The following CLUH variants were observed in gnomAD, a reference collection of about 807,000 sequenced individuals.
The protein encoded by CLUH is clustered mitochondria protein homolog.
A neutral mutation model predicts 139.3 loss-of-function variants in CLUH; 77 were observed. The ratio of observed to expected loss-of-function variants is 0.55; its 90% confidence interval spans 0.46 to 0.67. CLUH has a LOEUF of 0.67. Among genes scored for constraint, CLUH ranks in the 30% least tolerant of loss-of-function variants. CLUH has a pLI of 0.00. For missense variants in CLUH, 1,876 were observed against 1,875.8 expected, an observed-to-expected ratio of 1.00 and a Z score of 0.00; for synonymous variants, 999 against 801.6, an observed-to-expected ratio of 1.25 and a Z score of -4.16.
chr17:2,704,319 G>A lies in CLUH; in HGVS notation c.303+43C>T. The A allele has an allele frequency of 1.3e-6, 2 of 1,574,364 alleles. No individual in the cohort carries two copies. Among genetic ancestry groups the A allele is most frequent in the Non-Finnish European group, 1.7e-6 (2 of 1,156,874 alleles). Reference sequence around the variant, plus strand: ...TGAGCTTTCCAGCTCACCCTCCCCAGCAGGCTCAGGCCTGGCCCCCAGCAC... The same window carrying A: ...TGAGCTTTCCAGCTCACCCTCCCCAACAGGCTCAGGCCTGGCCCCCAGCAC... On this transcript the variant is annotated intron_variant, in intron 2 of 25. Coordinates refer to ENST00000651024, the MANE Select transcript of CLUH (RefSeq NM_001366661.1). This position sits in a 1 kb window ranked among gnomAD's most constrained non-coding sequence, Gnocchi z 5.7.
At chr17:2,697,718 G>A (rs1017413114) in intron 10 of CLUH, among the ~76,000 whole-genome samples, 178 bp downstream of exon 10, 1 of 152,200 alleles carries the variant, frequency 6.6e-6, no homozygotes, top group Non-Finnish European at 1.5e-5. Flanking sequence ...CCGGGTTTCT[G>A]CGCTCGGGAG....
intron 9 of CLUH, among the ~76,000 whole-genome samples, 166 bp downstream of exon 9, chr17:2,700,216 G>C (rs1019163251): frequency 6.6e-6 from 1 of 152,226 alleles, no homozygotes; most frequent in East Asian, 1.9e-4. Context: ...GGTCTGCTGG[G>C]AGGCGGAAGG....
chr17:2,691,772 G>A lies in CLUH; in HGVS notation c.3778C>T (p.Pro1260Ser). 3 of 1,594,706 alleles carry A rather than the reference G, an allele frequency of 1.9e-6. No homozygotes were observed. The highest frequency in any genetic ancestry group is 4.6e-5 in the East Asian group (2 of 43,924). Residue 1260 changes from proline to serine, a missense_variant, in exon 24 of 26, where the codon CCG becomes TCG. This residue lies in a region of CLUH where 1,454 missense variants were observed against 1,384.4 expected (regional missense o/e 1.05). Coordinates refer to ENST00000651024, the MANE Select transcript of CLUH (RefSeq NM_001366661.1). The part of the protein sequence containing the change: ...IYRNGSSANI[P>S]PLKFTAPSMA... ...CGCCCCGGACTCACCTTGAGGGGCG[G>A]GATGTTGGCGCTGGAGCCGTTGCGG...
chr17:2,701,518 G>A lies in CLUH; in HGVS notation c.747C>T (p.Pro249=), dbSNP rs2070179424. The change falls in exon 6 of 26, where the codon CCC becomes CCT. Residue 249 remains proline (P), a splice_region_variant and synonymous_variant. Coordinates refer to ENST00000651024, the MANE Select transcript of CLUH (RefSeq NM_001366661.1). ...TGGTGAGTACTTTCAGGCACTGCAA[G>A]GGCTTCGGGAGCGGCCGAGTCTGAG... ...PLQPQNRDWK[P]LQCLKVLTMS... is the part of the protein sequence containing the mutation. The A allele has an allele frequency of 1.9e-6, 3 of 1,613,796 alleles. No individual in the cohort carries two copies. The highest frequency in any genetic ancestry group is 2.5e-6 in the Non-Finnish European group (3 of 1,179,850).
In CLUH at chr17:2,690,769, T is replaced by A; in HGVS notation, c.3872A>T (p.Asp1291Val). Residue 1291 changes from aspartate to valine, a missense_variant, in exon 26 of 26, where the codon GAC (aspartate) becomes GTC (valine). Around this residue, in one of 3 missense-constraint regions of CLUH, gnomAD observed 1,454 missense variants for 1,384.4 expected, o/e 1.05. Transcript: ENST00000651024. The stretch of plus-strand genomic sequence containing the variant: ...CACCTCGGCTTTCAGATTCTCCAGG[T>A]CTTTTTGGCTGAGGATAAGGGTGGG... ...GILFIPLSQK[D>V]LENLKAEVAR... The A allele has an allele frequency of 6.6e-7, 1 of 1,512,000 alleles. No individual in the cohort carries two copies. Among genetic ancestry groups the A allele is most frequent in the Non-Finnish European group, 8.8e-7 (1 of 1,140,290 alleles). The allele number at this position is 1,512,000 out of a possible 1,614,324, so 93.7% of individuals were successfully genotyped here. A position where few individuals can be genotyped will look rare whatever the true frequency, so the allele number is the denominator to read the frequency against.
Position 2,697,911 on chromosome 17 carries a change from G to C in CLUH, c.1946C>G (p.Ala649Gly), listed in dbSNP as rs561955561. The C allele has an allele frequency of 1.3e-6, 2 of 1,514,762 alleles. No homozygotes were observed. The highest frequency in any genetic ancestry group is 1.3e-5 in the South Asian group (1 of 79,472). The allele number at this position is 1,514,762 out of a possible 1,614,324, so 93.8% of individuals were successfully genotyped here. ...LCCLRQELVD[A>G]FVEHRYLLFM... ...CGCCCCTCACCTGTGCTCCACGAAG[G>C]CGTCCACCAGCTCCTGGCGCAGGCA... The change falls in exon 10 of 26, where the codon GCC becomes GGC. Residue 649 changes from alanine (A) to glycine (G), a missense_variant. Coordinates refer to ENST00000651024, the MANE Select transcript of CLUH (RefSeq NM_001366661.1).
chr17:2,694,294 C>A lies in CLUH; in HGVS notation c.2938-18G>T, dbSNP rs760623211. Reference sequence around the variant, plus strand: ...AGCAGGACCTGGGGGGCAGCCCCCCCACCACAGGAAGCCTCAGGCCCAGGT... The same window carrying A: ...AGCAGGACCTGGGGGGCAGCCCCCCAACCACAGGAAGCCTCAGGCCCAGGT... On this transcript the variant is annotated intron_variant, in intron 17 of 25. Transcript: ENST00000651024. The A allele has an allele frequency of 1.3e-6, 2 of 1,569,608 alleles. No homozygotes were observed. Among genetic ancestry groups the A allele is most frequent in the Admixed American group, 1.8e-5 (1 of 56,300 alleles).
In CLUH at chr17:2,701,525, G is replaced by C. The variant is rs548723931; in HGVS notation, c.745-5C>G. On this transcript the variant is annotated splice_polypyrimidine_tract_variant and splice_region_variant and intron_variant, in intron 5 of 25. Coordinates refer to ENST00000651024, the MANE Select transcript of CLUH (RefSeq NM_001366661.1). ...TACTTTCAGGCACTGCAAGGGCTTC[G>C]GGAGCGGCCGAGTCTGAGGGGCCAG... The C allele has an allele frequency of 6.2e-7, 1 of 1,613,606 alleles. No homozygotes were observed. Among genetic ancestry groups the C allele is most frequent in the Admixed American group, 1.7e-5 (1 of 60,006 alleles).
At chr17:2,711,471 G>T in intron 1 of CLUH, 91 bp downstream of exon 1, 1 of 313,442 alleles carries the variant, frequency 3.2e-6, no homozygotes, top group Non-Finnish European at 4.6e-6. Context: ...CCGACGCGGA[G>T]GGAAGGCGGC....
At position 2,694,839 on chromosome 17, in the gene CLUH, C is replaced by T; in HGVS notation, c.2852+18G>A. On this transcript the variant is annotated intron_variant, in intron 16 of 25. Transcript: ENST00000651024. ...CTGCCCAATCCCACCCACCCCACCG[C>T]CCCTGCCCCGCACGCACCACTCGAG... 6.7e-7 allele frequency: 1 copy of T among 1,483,002 alleles called. No homozygotes were observed. Among genetic ancestry groups the T allele is most frequent in the Non-Finnish European group, 9.0e-7 (1 of 1,112,602 alleles). The allele number at this position is 1,483,002 out of a possible 1,614,324, so 91.9% of individuals were successfully genotyped here. A position where few individuals can be genotyped will look rare whatever the true frequency, so the allele number is the denominator to read the frequency against.
chr17:2,711,405 G>A, intron 1 of CLUH, among the ~76,000 whole-genome samples, 157 bp downstream of exon 1: 1 of 152,074 alleles, frequency 6.6e-6, no homozygotes. Flanking sequence ...CGACTGTGAA[G>A]GTGACCTTCA....
chr17:2,694,075 G>T, intron 18 of CLUH, 36 bp from the exon 19 acceptor site: 4 of 1,613,826 alleles, frequency 2.5e-6, no homozygotes, highest in Non-Finnish European at 3.4e-6. Context: ...AGGTCAGGAC[G>T]GGCCATGGGG....
chr17:2,707,366 C>T lies in CLUH; in HGVS notation c.101-2802G>A. 1.0e-6 allele frequency: 1 copy of T among 985,422 alleles called. No individual in the cohort carries two copies. The highest frequency in any genetic ancestry group is 1.2e-6 in the Non-Finnish European group (1 of 829,912). The allele number at this position is 985,422 out of a possible 1,614,324, so 61.0% of individuals were successfully genotyped here. ...GGCTGGCTTCGGGTTTCAGTGGGGC[C>T]AGGCCTGCCATGGCAGCCCCAGGAA... On this transcript the variant is annotated intron_variant, in intron 1 of 25. Transcript: ENST00000651024. This position sits in a 1 kb window ranked among gnomAD's most constrained non-coding sequence, Gnocchi z 7.4.
At chr17:2,705,112 T>C (rs897452616) in intron 1 of CLUH, among the ~76,000 whole-genome samples, 18 of 151,996 alleles carry the variant, frequency 1.2e-4, no homozygotes, top group African/African-American at 4.1e-4. Flanking sequence ...CTCCAGCCTT[T>C]TGGACCAAGG....
At chr17:2,701,885 C>G in intron 4 of CLUH, 29 bp downstream of exon 4, 4 of 1,612,564 alleles carry the variant, frequency 2.5e-6, no homozygotes, top group Non-Finnish European at 3.4e-6. Context: ...GCCCTTTGGC[C>G]CAATCCCCGG....
chr17:2,703,522 G>A lies in CLUH; in HGVS notation c.304-33C>T. On this transcript the variant is annotated intron_variant, in intron 2 of 25. Coordinates refer to ENST00000651024, the MANE Select transcript of CLUH (RefSeq NM_001366661.1). The surrounding 1 kb of genome is among the most constrained non-coding windows in gnomAD (Gnocchi z 4.2). The stretch of plus-strand genomic sequence containing the variant: ...GAGAAGGCCCCGCCCACCCCGGTGA[G>A]AGAGCACGTAGCGGGGAGAGAAGGC... 6.2e-7 allele frequency: 1 copy of A among 1,604,482 alleles called. No individual in the cohort carries two copies. Among genetic ancestry groups the A allele is most frequent in the East Asian group, 2.2e-5 (1 of 44,700 alleles).
In CLUH at chr17:2,707,698, C is replaced by T. The variant is rs2070388079; in HGVS notation, c.101-3134G>A. The T allele has an allele frequency of 1.0e-6, 1 of 985,302 alleles. No homozygotes were observed. The highest frequency in any genetic ancestry group is 1.2e-6 in the Non-Finnish European group (1 of 829,920). The allele number at this position is 985,302 out of a possible 1,614,324, so 61.0% of individuals were successfully genotyped here. A position where few individuals can be genotyped will look rare whatever the true frequency, so the allele number is the denominator to read the frequency against. ...GTGGGGGTGAACAGGACCGCTTCTG[C>T]CAGCTGCCGCCAACAGCTGGCACAG... On this transcript the variant is annotated intron_variant, in intron 1 of 25. Transcript: ENST00000651024. This position sits in a 1 kb window ranked among gnomAD's most constrained non-coding sequence, Gnocchi z 7.4.
chr17:2,690,470 G>T lies in CLUH; in HGVS notation c.*124C>A. The T allele has an allele frequency of 1.2e-6, 1 of 842,566 alleles. No individual in the cohort carries two copies. The highest frequency in any genetic ancestry group is 1.7e-6 in the Non-Finnish European group (1 of 598,440). 52.2% of individuals were successfully genotyped at this position (842,566 alleles called of 1,614,324 possible). ...GGCTCCCAGGAGGACACGGGGGTGG[G>T]GTGGGGTGAGACGTGGAGGAAGAGG... On this transcript the variant is annotated 3_prime_UTR_variant, in exon 26 of 26. Transcript: ENST00000651024.
In CLUH at chr17:2,691,763, T is replaced by G; in HGVS notation, c.3787A>C (p.Lys1263Gln). The G allele has an allele frequency of 2.5e-6, 4 of 1,596,316 alleles. No individual in the cohort carries two copies. The highest frequency in any genetic ancestry group is 3.4e-6 in the Non-Finnish European group (4 of 1,171,996). ...NGSSANIPPL[K>Q]FTAPSMASVL... ...GGGCCGCTCCGCCCCGGACTCACCT[T>G]GAGGGGCGGGATGTTGGCGCTGGAG... Residue 1263 changes from lysine (K) to glutamine (Q), a missense_variant and splice_region_variant, in exon 24 of 26, where the codon AAG becomes CAG. Physicochemically the swap from Lys to Gln is moderately conservative, Grantham distance 53. Transcript: ENST00000651024.
Sources: gnomAD v4.1 joint callset for allele counts (sites outside exome capture counted in the v4.1 genomes callset) on GRCh38, gnomAD v4.1.1 for gene constraint, gnomAD v4.1.1 regional missense constraint, Gnocchi (gnomAD v3.1) non-coding constraint, MANE v1.5 for transcripts, NCBI Gene and HGNC (gene_info 2026-07-23, HGNC 2026-07-21) for gene names.